SPTBN4: variants seen among roughly 807,000 people sequenced by gnomAD.
SPTBN4 encodes the protein spectrin beta chain, non-erythrocytic 4.
A neutral mutation model predicts 277.8 loss-of-function variants in SPTBN4; 96 were observed. The ratio of observed to expected loss-of-function variants is 0.35; its 90% confidence interval spans 0.29 to 0.41. The LOEUF (loss-of-function observed/expected upper bound fraction) is 0.41, where lower values mean the gene tolerates loss of function less well. Ranked by LOEUF, SPTBN4 falls within the 10% of genes least tolerant of loss-of-function variation. The pLI, the probability that SPTBN4 is intolerant of heterozygous loss-of-function variation, is 1.00. For synonymous variants in SPTBN4, 1,481 were observed against 1,580.3 expected (o/e 0.94, Z 1.49); for missense variants, 3,006 against 3,595.7 (o/e 0.84, Z 4.19).
chr19:40,505,695 AAAGGGAGGAAGG>A (rs2080318313), intron 12 of SPTBN4, among the ~76,000 whole-genome samples: 1 of 111,058 alleles, frequency 9.0e-6, no homozygotes, highest in African/African-American at 3.7e-5. Context: ...AAAAAGAATG[AAAGGGAGGAAGG>A]AAGGAAGGAA....
intron 16 of SPTBN4, 88 bp downstream of exon 16, chr19:40,520,239 A>C (rs1035081126): frequency 1.3e-5 from 14 of 1,047,474 alleles, no homozygotes; most frequent in Non-Finnish European, 1.6e-5. Flanking sequence ...GGTGGGGAGG[A>C]GGGTGTTTCC....
chr19:40,521,945 G>A (rs1044047428), intron 16 of SPTBN4, among the ~76,000 whole-genome samples: 2 of 150,694 alleles, frequency 1.3e-5, no homozygotes, highest in African/African-American at 2.4e-5. Flanking sequence ...CACCATGCCC[G>A]GCCCTGACCC....
At chr19:40,487,916 T>C in intron 3 of SPTBN4, 68 bp downstream of exon 3, 1 of 1,484,638 alleles carries the variant, frequency 6.7e-7, no homozygotes, top group Non-Finnish European at 8.9e-7. Flanking sequence ...TGGGCTTCTC[T>C]GGAAGGGCTG....
intron 26 of SPTBN4, among the ~76,000 whole-genome samples, chr19:40,558,088 G>A (rs764303904): frequency 6.6e-6 from 1 of 152,008 alleles, no homozygotes; most frequent in African/African-American, 2.4e-5. Context: ...GGCCAGGTGC[G>A]GTGGCTCACG....
chr19:40,482,185 C>T (rs990077783), intron 2 of SPTBN4, among the ~76,000 whole-genome samples: 2 of 152,086 alleles, frequency 1.3e-5, no homozygotes, highest in African/African-American at 4.8e-5. Context: ...GATCGACCCA[C>T]CTCTGCCTCC....
intron 15 of SPTBN4, among the ~76,000 whole-genome samples, chr19:40,516,234 T>C (rs1331043994): frequency 9.5e-6 from 1 of 105,726 alleles, no homozygotes; most frequent in Non-Finnish European, 1.8e-5. Context: ...CCAGACCTTG[T>C]CTCAAAAAAA....
chr19:40,535,472 T>C (rs1008219235), intron 20 of SPTBN4, among the ~76,000 whole-genome samples: 3 of 151,836 alleles, frequency 2.0e-5, no homozygotes, highest in Admixed American at 1.3e-4. Context: ...TAGCAAAGCC[T>C]GGATTTCAGT....
rs1317642905 is a variant in SPTBN4 at position 40,575,446 on chromosome 19, C to T, written c.7572C>T (p.Ser2524=). 4.3e-6 allele frequency: 7 copies of T among 1,613,294 alleles called. No individual in the cohort carries two copies. The highest frequency in any genetic ancestry group is 1.3e-5 in the African/African-American group (1 of 74,896). ...EMNGWLEAVA[S]SVAEHAEIAR... ...ACGGCTGGCTGGAGGCTGTAGCTTCCTCGGTGGCGGAACACGCAGAGATCG... is the reference window on the plus strand; with the variant it reads ...ACGGCTGGCTGGAGGCTGTAGCTTCTTCGGTGGCGGAACACGCAGAGATCG... Residue 2524 remains serine (S), a synonymous_variant, in exon 36 of 36, where the codon TCC becomes TCT. Coordinates refer to ENST00000598249, the MANE Select transcript of SPTBN4 (RefSeq NM_020971.3).
rs368494030 is a variant in SPTBN4, at chr19:40,502,298, G to A, written c.1068G>A (p.Thr356=). 39 of 1,613,222 alleles carry A rather than the reference G, an allele frequency of 2.4e-5. No individual in the cohort carries two copies. Among genetic ancestry groups the A allele is most frequent in the South Asian group, 3.3e-5 (3 of 91,086 alleles). ...QQLQAFTAYC[T]LEKPVKFQEK... is the part of the protein sequence containing the mutation. ...TCCAGGCTTTCACGGCCTATTGCAC[G>A]CTGGAGAAGCCTGTCAAGTGAGGCC... Residue 356 remains threonine (T), a synonymous_variant, in exon 9 of 36, where the codon ACG becomes ACA. Coordinates refer to ENST00000598249, the MANE Select transcript of SPTBN4 (RefSeq NM_020971.3). This position sits in a 1 kb window ranked among gnomAD's most constrained non-coding sequence, Gnocchi z 4.9.
At chr19:40,538,782 G>C (rs1023144461) in intron 20 of SPTBN4, among the ~76,000 whole-genome samples, 1 of 152,102 alleles carries the variant, frequency 6.6e-6, no homozygotes, top group Non-Finnish European at 1.5e-5. Flanking sequence ...AGAGACGGGG[G>C]CCTCACTGTG....
chr19:40,546,972 C>A (rs2080866066), intron 20 of SPTBN4, among the ~76,000 whole-genome samples: 1 of 152,130 alleles, frequency 6.6e-6, no homozygotes, highest in Non-Finnish European at 1.5e-5. Context: ...TCAATTTTTA[C>A]AGTTTGTCAT....
chr19:40,543,621 T>G (rs1193170091), intron 20 of SPTBN4, among the ~76,000 whole-genome samples: 5 of 152,176 alleles, frequency 3.3e-5, no homozygotes, highest in Non-Finnish European at 7.3e-5. Flanking sequence ...ACTTAATTTT[T>G]TAATTGTTAT....
intron 30 of SPTBN4, 102 bp from the exon 31 acceptor site, chr19:40,567,561 T>C: frequency 8.3e-7 from 1 of 1,207,982 alleles, no homozygotes; most frequent in Non-Finnish European, 1.1e-6. Flanking sequence ...AACTGGTCAA[T>C]TGAGTGATGA....
chr19:40,556,191 A>G lies in SPTBN4; in HGVS notation c.5192A>G (p.Gln1731Arg). The change falls in exon 25 of 36, where the codon CAG (glutamine) becomes CGG (arginine). Residue 1731 changes from glutamine to arginine, a missense_variant. Physicochemically the swap from Gln to Arg is conservative, Grantham distance 43 (BLOSUM62 1). This residue lies in a region of SPTBN4 where 425 missense variants were observed against 594.7 expected (regional missense o/e 0.71). Transcript: ENST00000598249. ...CTGGAACAGCAGTACTGGCTGTACC[A>G]GCTCAGCCGCCAGGTGAGCGAGCTT... is the stretch of plus-strand genomic sequence containing the variant. ...VALEQQYWLY[Q>R]LSRQVSELEH... The G allele has an allele frequency of 1.2e-6, 2 of 1,613,610 alleles. No individual in the cohort carries two copies. The highest frequency in any genetic ancestry group is 1.7e-6 in the Non-Finnish European group (2 of 1,179,994).
chr19:40,572,501 G>A lies in SPTBN4; in HGVS notation c.7536+121G>A, dbSNP rs547801868. 7.7e-6 allele frequency: 10 copies of A among 1,292,622 alleles called. No homozygotes were observed. The East Asian group carries it at 2.3e-4, about 30-fold the overall frequency. The allele number at this position is 1,292,622 out of a possible 1,614,324, so 80.1% of individuals were successfully genotyped here. A position where few individuals can be genotyped will look rare whatever the true frequency, so the allele number is the denominator to read the frequency against. On this transcript the variant is annotated intron_variant, in intron 35 of 35. Coordinates refer to ENST00000598249, the MANE Select transcript of SPTBN4 (RefSeq NM_020971.3). ...CTCACAGGCCAGAGTTATCAGGGCTGTAATGGGAAAGCCCACAGGCACTGA... is the reference window on the plus strand; with the variant it reads ...CTCACAGGCCAGAGTTATCAGGGCTATAATGGGAAAGCCCACAGGCACTGA...
intron 2 of SPTBN4, among the ~76,000 whole-genome samples, chr19:40,480,955 C>G (rs994801385): frequency 6.6e-6 from 1 of 152,134 alleles, no homozygotes; most frequent in Admixed American, 6.6e-5. Flanking sequence ...ATCCCAGCTA[C>G]TCAGGACGCT....
At chr19:40,486,969 C>T (rs2080079048) in intron 2 of SPTBN4, among the ~76,000 whole-genome samples, 1 of 151,964 alleles carries the variant, frequency 6.6e-6, no homozygotes, top group African/African-American at 2.4e-5. Flanking sequence ...GGAAGGTTTT[C>T]ACCAGGTGGG....
chr19:40,473,280 T>C (rs12972755), intron 2 of SPTBN4, among the ~76,000 whole-genome samples: 56,082 of 151,362 alleles, frequency 0.37, 10,939 homozygotes, highest in African/African-American at 0.45. Context: ...GAACTTCTGA[T>C]CTTAAGTGAT....
At chr19:40,517,347 T>G (rs533422424) in intron 15 of SPTBN4, among the ~76,000 whole-genome samples, 1 of 152,010 alleles carries the variant, frequency 6.6e-6, no homozygotes, top group South Asian at 2.1e-4. Context: ...TGGAGTGCAG[T>G]GGTACGATCA....
Sources: gnomAD v4.1 joint callset for allele counts (sites outside exome capture counted in the v4.1 genomes callset) on GRCh38, gnomAD v4.1.1 for gene constraint, gnomAD v4.1.1 regional missense constraint, Gnocchi (gnomAD v3.1) non-coding constraint, MANE v1.5 for transcripts, NCBI Gene and HGNC (gene_info 2026-07-23, HGNC 2026-07-21) for gene names.